Variants in GNAL observed in about 807,000 individuals in gnomAD.
GNAL encodes the protein guanine nucleotide-binding protein G(olf) subunit alpha.
In GNAL, 18 loss-of-function variants were observed where a neutral mutation model predicts 55.1. The observed-to-expected ratio is 0.33, with a 90% CI of 0.23 to 0.48. GNAL has a LOEUF of 0.48. Among genes scored for constraint, GNAL ranks in the 20% least tolerant of loss-of-function variants. GNAL has a pLI of 0.99. For synonymous variants in GNAL, 253 were observed against 237.0 expected (o/e 1.07, Z -0.62); for missense variants, 412 against 614.1 (o/e 0.67, Z 3.48).
At chr18:11,861,940 T>C (rs1247253148) in intron 5 of GNAL, among the ~76,000 whole-genome samples, 1 of 144,510 alleles carries the variant, frequency 6.9e-6, no homozygotes, top group Non-Finnish European at 1.5e-5. Context: ...ACTCAGTCGC[T>C]CTTACACATA....
At chr18:11,729,972 G>A (rs539932641) in intron 1 of GNAL, among the ~76,000 whole-genome samples, 55 of 152,278 alleles carry the variant, frequency 3.6e-4, no homozygotes, top group African/African-American at 1.1e-3. Flanking sequence ...AGTCATAGGT[G>A]GGTTTTAGGG....
At position 11,824,992 on chromosome 18, in the gene GNAL, C is replaced by T; in HGVS notation, c.699C>T (p.Tyr233=). The change falls in exon 5 of 12, where the codon TAC becomes TAT. Residue 233 remains tyrosine (Y), a synonymous_variant. Coordinates refer to ENST00000334049, the MANE Select transcript of GNAL (RefSeq NM_182978.4). ...CATGCTTTGAGAGATCCAACGAATACCAGCTGATTGACTGTGCACAATAGT... is the reference window on the plus strand; with the variant it reads ...CATGCTTTGAGAGATCCAACGAATATCAGCTGATTGACTGTGCACAATAGT... ...VKACFERSNE[Y]QLIDCAQYFL... is the part of the protein sequence containing the mutation. 3 of 1,597,506 alleles carry T rather than the reference C, an allele frequency of 1.9e-6. No individual in the cohort carries two copies. Among genetic ancestry groups the T allele is most frequent in the Non-Finnish European group, 2.6e-6 (3 of 1,166,070 alleles).
chr18:11,742,733 C>A (rs566278222), intron 1 of GNAL, among the ~76,000 whole-genome samples: 1 of 152,314 alleles, frequency 6.6e-6, no homozygotes, highest in Admixed American at 6.5e-5. Context: ...TCCGACCCCA[C>A]CACTCCTCAA....
At chr18:11,763,471 G>A in intron 4 of GNAL, among the ~76,000 whole-genome samples, 1 of 151,882 alleles carries the variant, frequency 6.6e-6, no homozygotes, top group East Asian at 1.9e-4. Flanking sequence ...GAGTGCAGTG[G>A]TGCGATCTCG....
intron 8 of GNAL, among the ~76,000 whole-genome samples, chr18:11,867,894 G>A (rs2036302167): frequency 6.6e-6 from 1 of 152,026 alleles, no homozygotes; most frequent in Non-Finnish European, 1.5e-5. Context: ...GGAGGCTGGG[G>A]TGGGTGGATC....
At chr18:11,833,299 G>C (rs923670697) in intron 5 of GNAL, among the ~76,000 whole-genome samples, 6 of 152,174 alleles carry the variant, frequency 3.9e-5, no homozygotes, top group African/African-American at 1.4e-4. Flanking sequence ...CAAAGTGCTG[G>C]GATTACAGGC....
At chr18:11,866,042 C>G (rs1190318861) in intron 7 of GNAL, among the ~76,000 whole-genome samples, 1 of 149,826 alleles carries the variant, frequency 6.7e-6, no homozygotes, top group African/African-American at 2.6e-5. Flanking sequence ...TCCCAAGAAC[C>G]CTTCACATGG....
intron 4 of GNAL, among the ~76,000 whole-genome samples, chr18:11,824,094 G>A (rs559210103): frequency 1.8e-4 from 27 of 152,192 alleles, no homozygotes; most frequent in African/African-American, 6.3e-4. Context: ...CATCCTCAAA[G>A]TGTAATTTTT....
intron 4 of GNAL, among the ~76,000 whole-genome samples, chr18:11,765,078 A>G (rs1460875197): frequency 1.3e-5 from 2 of 152,230 alleles, no homozygotes; most frequent in South Asian, 2.1e-4. Context: ...CTGCTTTGTC[A>G]TCATAAAAAA....
At chr18:11,878,059 T>C (rs1413393758) in intron 11 of GNAL, among the ~76,000 whole-genome samples, 1 of 152,206 alleles carries the variant, frequency 6.6e-6, no homozygotes, top group Non-Finnish European at 1.5e-5. Context: ...TAAGGAGCAT[T>C]TTGTAAGACC....
intron 11 of GNAL, among the ~76,000 whole-genome samples, chr18:11,879,257 C>G (rs2036605223): frequency 6.6e-6 from 1 of 151,814 alleles, no homozygotes; most frequent in African/African-American, 2.4e-5. Context: ...TTAGGATACC[C>G]TTTCTGTGGT....
chr18:11,773,177 G>A (rs533225440), intron 4 of GNAL, among the ~76,000 whole-genome samples: 3 of 152,212 alleles, frequency 2.0e-5, no homozygotes, highest in Non-Finnish European at 4.4e-5. Context: ...GCACCAAGGT[G>A]TCCCCTTACC....
At chr18:11,773,574 C>G (rs1360050129) in intron 4 of GNAL, among the ~76,000 whole-genome samples, 1 of 152,058 alleles carries the variant, frequency 6.6e-6, no homozygotes, top group East Asian at 1.9e-4. Flanking sequence ...AAGACCAGAC[C>G]AGCCTGGGCA....
At chr18:11,791,458 C>G (rs2034234628) in intron 4 of GNAL, among the ~76,000 whole-genome samples, 1 of 152,148 alleles carries the variant, frequency 6.6e-6, no homozygotes, top group African/African-American at 2.4e-5. Flanking sequence ...GGTTGATTAT[C>G]AAGAGATCAT....
intron 5 of GNAL, among the ~76,000 whole-genome samples, chr18:11,841,682 C>A (rs1358580157): frequency 6.6e-6 from 1 of 151,494 alleles, no homozygotes; most frequent in Non-Finnish European, 1.5e-5. Flanking sequence ...AAAGAAATAC[C>A]TGCTAGAATT....
Position 11,699,655 on chromosome 18 carries a change from G to A in GNAL, c.376+9716G>A, listed in dbSNP as rs139790549. Among the ~76,000 whole-genome samples the A allele has an allele frequency of 9.2e-5, 14 of 152,212 alleles. No homozygotes were observed. The East Asian group carries it at 2.7e-3, about 29-fold the overall frequency. ...AGCAGTGACTCTTAAGTGTGTTTCG[G>A]GGTCAAGTGAAAACTGTTCCCTGTT... On this transcript the variant is annotated intron_variant, in intron 1 of 11. Coordinates refer to ENST00000334049, the MANE Select transcript of GNAL (RefSeq NM_182978.4).
chr18:11,692,216 A>T (rs1459489280), intron 1 of GNAL, among the ~76,000 whole-genome samples: 1 of 152,182 alleles, frequency 6.6e-6, no homozygotes, highest in Non-Finnish European at 1.5e-5. Flanking sequence ...TGCAACTTTC[A>T]TTTAAGATCT....
chr18:11,768,626 G>T (rs1306584148), intron 4 of GNAL, among the ~76,000 whole-genome samples: 3 of 148,430 alleles, frequency 2.0e-5, no homozygotes, highest in Non-Finnish European at 4.5e-5. Flanking sequence ...CAGGCGCAGT[G>T]GCTCACGCCT....
rs1327998485 is a variant in GNAL at position 11,752,822 on chromosome 18, A to C, written c.377-31A>C. 6.7e-7 allele frequency: 1 copy of C among 1,501,756 alleles called. No individual in the cohort carries two copies. Among genetic ancestry groups the C allele is most frequent in the Non-Finnish European group, 9.3e-7 (1 of 1,077,946 alleles). The allele number at this position is 1,501,756 out of a possible 1,614,324, so 93.0% of individuals were successfully genotyped here. The stretch of plus-strand genomic sequence containing the variant: ...AGAGATGGCAGCGATATCCGGACAC[A>C]GATCACAGCGTTCTTTCTGTTTGTT... On this transcript the variant is annotated intron_variant, in intron 1 of 11. Coordinates refer to ENST00000334049, the MANE Select transcript of GNAL (RefSeq NM_182978.4). This position sits in a 1 kb window ranked among gnomAD's most constrained non-coding sequence, Gnocchi z 4.5.
Sources: gnomAD v4.1 joint callset for allele counts (sites outside exome capture counted in the v4.1 genomes callset) on GRCh38, gnomAD v4.1.1 for gene constraint, Gnocchi (gnomAD v3.1) non-coding constraint, MANE v1.5 for transcripts, NCBI Gene and HGNC (gene_info 2026-07-23, HGNC 2026-07-21) for gene names.